The following KCNAB2 variants were observed in gnomAD, a reference collection of about 807,000 sequenced individuals.
KCNAB2 encodes the protein voltage-gated potassium channel subunit beta-2.
A neutral mutation model predicts 63.6 loss-of-function variants in KCNAB2; 29 were observed. The observed-to-expected ratio is 0.46, with a 90% CI of 0.34 to 0.62. KCNAB2 has a LOEUF of 0.62. KCNAB2 is among the 20% of genes least tolerant of loss of function. KCNAB2 has a pLI of 0.01. For missense variants in KCNAB2, 359 were observed against 563.9 expected (o/e 0.64, Z 3.68); for synonymous variants, 222 against 224.2 (o/e 0.99, Z 0.09).
At chr1:6,065,216 C>A (rs920951028) in intron 2 of KCNAB2, among the ~76,000 whole-genome samples, 1 of 152,236 alleles carries the variant, frequency 6.6e-6, no homozygotes, top group African/African-American at 2.4e-5. Context: ...CAAGCTCAGA[C>A]ATCCAGCCCG....
intron 2 of KCNAB2, among the ~76,000 whole-genome samples, chr1:6,070,769 C>A (rs1301231395): frequency 1.3e-5 from 2 of 152,068 alleles, no homozygotes; most frequent in Admixed American, 1.3e-4. Flanking sequence ...AACACTGAGG[C>A]ATCGGGCCAC....
At chr1:6,063,681 G>T (rs1280290471) in intron 2 of KCNAB2, among the ~76,000 whole-genome samples, 1 of 152,204 alleles carries the variant, frequency 6.6e-6, no homozygotes, top group Non-Finnish European at 1.5e-5. Context: ...ACAGTGCTGG[G>T]ATTACAGGCA....
chr1:6,008,902 G>A (rs915579612), intron 1 of KCNAB2, among the ~76,000 whole-genome samples: 1 of 152,202 alleles, frequency 6.6e-6, no homozygotes. Context: ...CCTCTGGCCT[G>A]GGCGGAGAGT....
At chr1:6,045,110 C>T (rs1041196500), upstream of KCNAB2, among the ~76,000 whole-genome samples, 5 of 152,196 alleles carry the variant, frequency 3.3e-5, no homozygotes, top group African/African-American at 9.7e-5. This position sits in a 1 kb window ranked among gnomAD's most constrained non-coding sequence, Gnocchi z 4.8. Flanking sequence ...CCAGACTCTA[C>T]GTGCTCTCCC....
intron 1 of KCNAB2, among the ~76,000 whole-genome samples, chr1:6,008,737 G>A (rs1177999064): frequency 3.9e-5 from 6 of 152,164 alleles, no homozygotes; most frequent in Admixed American, 2.0e-4. Flanking sequence ...AAGTGGCTGA[G>A]GGAGTGAGGC....
At chr1:6,058,140 C>T (rs1053208984) in intron 2 of KCNAB2, among the ~76,000 whole-genome samples, 2 of 152,172 alleles carry the variant, frequency 1.3e-5, no homozygotes, top group African/African-American at 4.8e-5. Flanking sequence ...CAGAACAAGA[C>T]CCTGCCTCAA....
At position 6,060,140 on chromosome 1, in the gene KCNAB2, G is replaced by A. The variant is rs188996286; in HGVS notation, c.218+8386G>A. ...ACCTGCTGCTGCCTCACAGGCTCCC[G>A]CCATCTGCCCTCCTGCCTCTGCTCT... On this transcript the variant is annotated intron_variant, in intron 2 of 15. Coordinates refer to ENST00000378083, the MANE Select transcript of KCNAB2 (RefSeq NM_001199862.2). Among the ~76,000 whole-genome samples, 22 of 152,256 alleles carry A rather than the reference G, an allele frequency of 1.4e-4. No homozygotes were observed. The East Asian group carries it at 2.7e-3, about 19-fold the overall frequency.
At chr1:6,091,177 C>G in intron 9 of KCNAB2, 86 bp from the exon 10 acceptor site, 1 of 958,286 alleles carries the variant, frequency 1.0e-6, no homozygotes, top group Non-Finnish European at 1.6e-6. Flanking sequence ...TGATTTGTGC[C>G]TCCCCGCTGT....
chr1:6,077,185 C>CA (rs59008198), intron 4 of KCNAB2, among the ~76,000 whole-genome samples: 32,636 of 145,990 alleles, frequency 0.22, 3,669 homozygotes, highest in East Asian at 0.34. Flanking sequence ...CACTCCATCT[C>CA]AAAAAAAAAA....
chr1:5,998,861 C>A (rs1657080480), intron 1 of KCNAB2, among the ~76,000 whole-genome samples: 1 of 152,204 alleles, frequency 6.6e-6, no homozygotes, highest in Admixed American at 6.5e-5. Context: ...GGCCTCCAAG[C>A]TACTAGGCGC....
intron 11 of KCNAB2, 30 bp downstream of exon 11, chr1:6,094,515 C>G (rs909258147): frequency 6.4e-7 from 1 of 1,567,108 alleles, no homozygotes; most frequent in Admixed American, 1.8e-5. Context: ...TGTGTGTGTC[C>G]AGGCACAGAC....
chr1:6,048,350 C>G (rs954673232), intron 1 of KCNAB2, among the ~76,000 whole-genome samples: 2 of 152,218 alleles, frequency 1.3e-5, no homozygotes, highest in Non-Finnish European at 2.9e-5. Context: ...GTCACCAACT[C>G]CCACCCAGTT....
At chr1:6,054,196 A>G (rs1456111526) in intron 2 of KCNAB2, among the ~76,000 whole-genome samples, 1 of 152,156 alleles carries the variant, frequency 6.6e-6, no homozygotes, top group African/African-American at 2.4e-5. Context: ...CCATGTGGTG[A>G]TAGAGAGTGG....
At chr1:6,015,036 T>TG (rs1204582313) in intron 1 of KCNAB2, among the ~76,000 whole-genome samples, 2,673 of 139,264 alleles carry the variant, frequency 0.019, 34 homozygotes, top group Non-Finnish European at 0.03. Context: ...TTTTTTTTTT[T>TG]TTTTTTGTTT....
intron 1 of KCNAB2, among the ~76,000 whole-genome samples, chr1:6,038,934 A>G (rs1349956603): frequency 6.6e-6 from 1 of 152,208 alleles, no homozygotes; most frequent in Non-Finnish European, 1.5e-5. Context: ...ATTTTGGATC[A>G]GGGGTCATTT....
intron 2 of KCNAB2, among the ~76,000 whole-genome samples, chr1:6,060,101 A>C (rs906444340): frequency 1.3e-5 from 2 of 151,596 alleles, no homozygotes; most frequent in Non-Finnish European, 2.9e-5. Context: ...GAGTCACCCT[A>C]CTCCAGACAC....
At chr1:6,015,690 A>G (rs1267445712) in intron 1 of KCNAB2, among the ~76,000 whole-genome samples, 13 of 151,926 alleles carry the variant, frequency 8.6e-5, no homozygotes, top group African/African-American at 3.1e-4. Context: ...TTTTTGGTTG[A>G]TTGGTTGGTT....
In KCNAB2 at chr1:6,087,693, A is replaced by C. The variant is rs1664822555; in HGVS notation, c.470+182A>C. ...CCCAGTGCCATTTCCTGTCCCCAGC[A>C]GGGGCAGAGCTGGTGTTTCTGCAGC... is the stretch of plus-strand genomic sequence containing the variant. On this transcript the variant is annotated intron_variant, in intron 7 of 15. Coordinates refer to ENST00000378083, the MANE Select transcript of KCNAB2 (RefSeq NM_001199862.2). This position sits in a 1 kb window ranked among gnomAD's most constrained non-coding sequence, Gnocchi z 6.4. Among the ~76,000 whole-genome samples the C allele has an allele frequency of 6.6e-6, 1 of 152,204 alleles. No homozygotes were observed. The highest frequency in any genetic ancestry group is 2.4e-5 in the African/African-American group (1 of 41,450).
intron 8 of KCNAB2, among the ~76,000 whole-genome samples, chr1:6,090,024 G>A (rs1665053784): frequency 6.6e-6 from 1 of 152,226 alleles, no homozygotes; most frequent in Admixed American, 6.5e-5. Flanking sequence ...GCCTTTGATG[G>A]GACGGGCAGC....
Sources: allele counts gnomAD v4.1 joint callset (sites outside exome capture counted in the v4.1 genomes callset), GRCh38; gene constraint gnomAD v4.1.1; non-coding constraint Gnocchi (gnomAD v3.1); transcripts MANE v1.5; gene names NCBI Gene and HGNC (gene_info 2026-07-23, HGNC 2026-07-21).